CDK13: variants seen among roughly 807,000 people sequenced by gnomAD.
The protein encoded by CDK13 is cyclin-dependent kinase 13.
A neutral mutation model predicts 137.6 loss-of-function variants in CDK13; 40 were observed. The observed-to-expected ratio is 0.29, with a 90% CI of 0.23 to 0.38. The LOEUF is 0.38. Among genes scored for constraint, CDK13 ranks in the 10% least tolerant of loss-of-function variants. CDK13 has a pLI of 1.00. For missense variants in CDK13, 1,704 were observed against 1,951.8 expected (o/e 0.87, Z 2.39); for synonymous variants, 869 against 760.1 (o/e 1.14, Z -2.36).
rs563278434 is a variant in CDK13, at chr7:40,009,710, A to G, written c.2353+7679A>G. On this transcript the variant is annotated intron_variant, in intron 5 of 13. Transcript: ENST00000181839. ...TATATTACCAAGTTGTTTTCCAGAA[A>G]AAAGGTGCCAATTTATACTCCCAAA... 2.0e-5 allele frequency among the ~76,000 whole-genome samples: 3 copies of G among 152,342 alleles called. No homozygotes were observed. In the South Asian group the frequency reaches 6.2e-4, roughly 32 times the overall value.
intron 13 of CDK13, 122 bp downstream of exon 13, chr7:40,093,359 G>A (rs1786969720): frequency 1.3e-6 from 1 of 790,234 alleles, no homozygotes; most frequent in Non-Finnish European, 1.9e-6. Flanking sequence ...AGAATCTCAG[G>A]TAACTGGCAA....
chr7:40,024,383 A>G (rs1785192279), intron 5 of CDK13, among the ~76,000 whole-genome samples: 1 of 152,232 alleles, frequency 6.6e-6, no homozygotes, highest in Non-Finnish European at 1.5e-5. Context: ...TCGCTTTGTC[A>G]TTCACCCATT....
chr7:39,958,377 G>A (rs1163900320), intron 1 of CDK13, among the ~76,000 whole-genome samples: 1 of 151,874 alleles, frequency 6.6e-6, no homozygotes, highest in Admixed American at 6.6e-5. Context: ...TCACCTGTTT[G>A]CAAGCATAAT....
chr7:40,050,195 G>T (rs1785854228), intron 7 of CDK13, among the ~76,000 whole-genome samples: 1 of 152,082 alleles, frequency 6.6e-6, no homozygotes, highest in Non-Finnish European at 1.5e-5. Flanking sequence ...ATTGTGAAGG[G>T]TTGAGTGACT....
intron 5 of CDK13, among the ~76,000 whole-genome samples, chr7:40,028,534 C>T (rs1785295914): frequency 6.6e-6 from 1 of 151,818 alleles, no homozygotes; most frequent in Admixed American, 6.6e-5. Flanking sequence ...GACTTTTTAC[C>T]AGGGTTTTTA....
At chr7:39,960,720 G>A (rs898971523) in intron 1 of CDK13, among the ~76,000 whole-genome samples, 2 of 151,836 alleles carry the variant, frequency 1.3e-5, no homozygotes, top group African/African-American at 2.4e-5. Context: ...AATTACAGGC[G>A]CCTGCCACCA....
rs540328522 is a variant in CDK13, at chr7:40,069,595, C to T, written c.2780+6495C>T. On this transcript the variant is annotated intron_variant, in intron 9 of 13. Transcript: ENST00000181839. ...ACAGTAATGCTAGGTTGTTTATAGG[C>T]TCAGGAATGATGAGACCTAGTGTCA... The T allele has an allele frequency of 5.4e-5, 14 of 260,522 alleles. No individual in the cohort carries two copies. In the South Asian group the frequency reaches 5.9e-4, roughly 11 times the overall value. The allele number at this position is 260,522 out of a possible 1,614,324, so 16.1% of individuals were successfully genotyped here.
At chr7:40,002,135 T>C in intron 5 of CDK13, 104 bp downstream of exon 5, 1 of 685,946 alleles carries the variant, frequency 1.5e-6, no homozygotes, top group Non-Finnish European at 2.4e-6. Context: ...TTACAAACTA[T>C]TGCTCTAATC....
intron 1 of CDK13, among the ~76,000 whole-genome samples, chr7:39,968,878 C>T (rs1310224059): frequency 6.6e-6 from 1 of 152,200 alleles, no homozygotes; most frequent in Non-Finnish European, 1.5e-5. Flanking sequence ...ACTCTTACTT[C>T]TTACCGTATA....
intron 5 of CDK13, among the ~76,000 whole-genome samples, chr7:40,005,413 C>T (rs929586801): frequency 6.6e-6 from 1 of 151,720 alleles, no homozygotes; most frequent in African/African-American, 2.4e-5. Context: ...CCTCAGCCTT[C>T]CAAGTAGCCA....
intron 4 of CDK13, among the ~76,000 whole-genome samples, chr7:40,000,989 T>C (rs754530369): frequency 2.0e-5 from 3 of 152,164 alleles, no homozygotes; most frequent in Non-Finnish European, 2.9e-5. Flanking sequence ...GGGAAGAACA[T>C]ATATTTTTGA....
chr7:39,955,319 C>T (rs958001353), intron 1 of CDK13, among the ~76,000 whole-genome samples: 1 of 152,058 alleles, frequency 6.6e-6, no homozygotes, highest in Non-Finnish European at 1.5e-5. Context: ...AGGTTTTAAG[C>T]GATTTGTTCC....
At chr7:40,047,249 CTT>C (rs1193001709) in intron 6 of CDK13, among the ~76,000 whole-genome samples, 2 of 152,056 alleles carry the variant, frequency 1.3e-5, no homozygotes, top group African/African-American at 4.8e-5. Context: ...ATATTTAAAA[CTT>C]ATGTAAATAA....
intron 5 of CDK13, among the ~76,000 whole-genome samples, chr7:40,043,042 T>C (rs968700024): frequency 3.9e-5 from 6 of 152,214 alleles, no homozygotes; most frequent in Non-Finnish European, 8.8e-5. Context: ...TCTCCCAAAG[T>C]GCTTGGATTA....
rs373378960 is a variant in CDK13 at position 40,094,537 on chromosome 7, C to G, written c.4096C>G (p.Arg1366Gly). The G allele has an allele frequency of 1.2e-6, 2 of 1,611,714 alleles. No individual in the cohort carries two copies. Among genetic ancestry groups the G allele is most frequent in the Non-Finnish European group, 1.7e-6 (2 of 1,178,868 alleles). The change falls in exon 14 of 14, where the codon CGT becomes GGT. Residue 1366 changes from arginine (R) to glycine (G), a missense_variant. Physicochemically the swap from Arg to Gly is moderately radical, Grantham distance 125 (BLOSUM62 -2). Transcript: ENST00000181839. ...CAGTTCTGCTCCACCACTAGAACGA[C>G]GTAGTTTCATTGGAAATTCAGATAT... ...GSSSAPPLER[R>G]SFIGNSDIQS... is the part of the protein sequence containing the mutation.
At chr7:39,992,070 TACACAC>T (rs148046155) in intron 2 of CDK13, among the ~76,000 whole-genome samples, 1,771 of 147,060 alleles carry the variant, frequency 0.012, 27 homozygotes, top group South Asian at 0.022. Flanking sequence ...GAAAAAATTA[TACACAC>T]ACACACACAC....
At chr7:39,979,135 T>TA (rs1784169484) in intron 1 of CDK13, among the ~76,000 whole-genome samples, 1 of 152,080 alleles carries the variant, frequency 6.6e-6, no homozygotes, top group Non-Finnish European at 1.5e-5. Flanking sequence ...TTGGTTATGG[T>TA]GTCTGTAGAA....
intron 1 of CDK13, chr7:39,984,535 A>G (rs552092768): frequency 6.6e-6 from 1 of 152,272 alleles, no homozygotes; most frequent in African/African-American, 2.4e-5. Context: ...TACATGAGAT[A>G]TTTTGATACA....
Position 40,028,132 on chromosome 7 carries a change from C to A in CDK13, c.2354-17704C>A, listed in dbSNP as rs1291650546. Among the ~76,000 whole-genome samples the A allele has an allele frequency of 2.0e-5, 3 of 150,394 alleles. No homozygotes were observed. The East Asian group carries it at 5.8e-4, about 29-fold the overall frequency. On this transcript the variant is annotated intron_variant, in intron 5 of 13. Coordinates refer to ENST00000181839, the MANE Select transcript of CDK13 (RefSeq NM_003718.5). Reference sequence around the variant, plus strand: ...TTAGAATGCCCCAGCAGCTGAAGGTCGTTCTCTTGTTGATCAGAGTGGGGG... The same window carrying A: ...TTAGAATGCCCCAGCAGCTGAAGGTAGTTCTCTTGTTGATCAGAGTGGGGG...
Sources: allele counts gnomAD v4.1 joint callset (sites outside exome capture counted in the v4.1 genomes callset), GRCh38; gene constraint gnomAD v4.1.1; transcripts MANE v1.5; gene names NCBI Gene and HGNC (gene_info 2026-07-23, HGNC 2026-07-21).